The following ARHGAP28 variants were observed in gnomAD, a reference collection of about 807,000 sequenced individuals.
ARHGAP28 encodes the protein rho GTPase-activating protein 28.
In ARHGAP28, 56 loss-of-function variants were observed where a neutral mutation model predicts 90.7. The observed-to-expected ratio is 0.62, with a 90% CI of 0.50 to 0.77. The LOEUF is 0.77. Ranked by LOEUF, ARHGAP28 falls within the 30% of genes least tolerant of loss-of-function variation. The probability of loss-of-function intolerance (pLI) is 0.00; values close to 1 mark genes in which losing one functional copy is unlikely to be tolerated. For missense variants in ARHGAP28, 869 were observed against 900.9 expected (o/e 0.96, Z 0.45); for synonymous variants, 308 against 323.3 (o/e 0.95, Z 0.51).
intron 3 of ARHGAP28, among the ~76,000 whole-genome samples, chr18:6,841,320 A>G (rs989705027): frequency 6.7e-6 from 1 of 148,850 alleles, no homozygotes; most frequent in Non-Finnish European, 1.5e-5. Flanking sequence ...ATTTACCTAC[A>G]TTAATTGAAT....
At chr18:6,825,907 C>T (rs1207608840) in intron 2 of ARHGAP28, among the ~76,000 whole-genome samples, 1 of 152,108 alleles carries the variant, frequency 6.6e-6, no homozygotes, top group Non-Finnish European at 1.5e-5. Flanking sequence ...AATAGCTTGG[C>T]GATGAACATA....
intron 1 of ARHGAP28, among the ~76,000 whole-genome samples, chr18:6,807,543 C>G (rs1367244695): frequency 6.6e-5 from 10 of 152,090 alleles, no homozygotes; most frequent in Non-Finnish European, 1.5e-4. Flanking sequence ...AAGCTTTTCC[C>G]CACTCTAGAG....
chr18:6,802,157 C>T (rs2056486630), intron 1 of ARHGAP28, among the ~76,000 whole-genome samples: 1 of 151,854 alleles, frequency 6.6e-6, no homozygotes, highest in Non-Finnish European at 1.5e-5. Flanking sequence ...TCCATTTATC[C>T]ATCCATTGAT....
At chr18:6,859,531 C>A (rs1283158790) in intron 4 of ARHGAP28, among the ~76,000 whole-genome samples, 1 of 152,168 alleles carries the variant, frequency 6.6e-6, no homozygotes, top group African/African-American at 2.4e-5. Context: ...TTGATTTACC[C>A]CAATTCCCTG....
chr18:6,900,500 G>T (rs1249729489), intron 16 of ARHGAP28, among the ~76,000 whole-genome samples: 1 of 152,166 alleles, frequency 6.6e-6, no homozygotes, highest in Non-Finnish European at 1.5e-5. Flanking sequence ...TTACAGAACT[G>T]AAAAATGCAA....
chr18:6,830,367 G>A (rs187734067), intron 2 of ARHGAP28, among the ~76,000 whole-genome samples: 31 of 151,634 alleles, frequency 2.0e-4, no homozygotes, highest in East Asian at 1.2e-3. Flanking sequence ...TGGGGTACAC[G>A]TGCAGAACGT....
At chr18:6,863,655 G>A (rs550741314) in intron 5 of ARHGAP28, among the ~76,000 whole-genome samples, 95 of 151,414 alleles carry the variant, frequency 6.3e-4, no homozygotes, top group Non-Finnish European at 1.1e-3. Context: ...GCCATTTATC[G>A]AACTATGATA....
In ARHGAP28 at chr18:6,826,487, T is replaced by A. The variant is rs533026421; in HGVS notation, c.325+1523T>A. 2.1e-3 allele frequency among the ~76,000 whole-genome samples: 315 copies of A among 151,552 alleles called. 2 individuals carry two copies. The highest frequency in any genetic ancestry group is 2.7e-3 in the Admixed American group (41 of 15,242). On this transcript the variant is annotated intron_variant, in intron 2 of 17. Transcript: ENST00000383472. ...GTAGAAGCTCTTTAGTTTTTTTTTT[T>A]TAATTAAAATAGAGTTTATATCATT...
In ARHGAP28 at chr18:6,808,436, TC is replaced by T. The variant is rs567729641; in HGVS notation, c.123-16324del. On this transcript the variant is annotated intron_variant, in intron 1 of 17. Coordinates refer to ENST00000383472, the MANE Select transcript of ARHGAP28 (RefSeq NM_001366230.1). ...TGAGATTTTTCTTCTCATTATTTGT[TC>T]CTTTTTCTTTCTTTTTCATTTATTA... 2.0e-5 allele frequency among the ~76,000 whole-genome samples: 3 copies of T among 152,316 alleles called. No homozygotes were observed. In the South Asian group the frequency reaches 6.2e-4, roughly 32 times the overall value.
chr18:6,761,354 T>G (rs2056158650), intron 1 of ARHGAP28, among the ~76,000 whole-genome samples: 1 of 152,212 alleles, frequency 6.6e-6, no homozygotes, highest in African/African-American at 2.4e-5. Flanking sequence ...GGCATGTGCA[T>G]TAGTAAACAT....
At chr18:6,775,525 G>A (rs1358902728) in intron 1 of ARHGAP28, among the ~76,000 whole-genome samples, 2 of 150,664 alleles carry the variant, frequency 1.3e-5, no homozygotes, top group Admixed American at 6.6e-5. Context: ...TTGTTTGTTT[G>A]TTTTTAGTTT....
intron 1 of ARHGAP28, chr18:6,788,511 G>A (rs1418946956): frequency 1.3e-5 from 2 of 151,998 alleles, no homozygotes; most frequent in African/African-American, 4.8e-5. Context: ...GCCCAGGCTG[G>A]AGTGCAGTAG....
intron 2 of ARHGAP28, among the ~76,000 whole-genome samples, chr18:6,829,080 A>G (rs118041796): frequency 0.024 from 3,722 of 152,346 alleles, 66 homozygotes; most frequent in Middle Eastern, 0.048. Flanking sequence ...CCCACCACAC[A>G]TGTAACGAGA....
At chr18:6,896,972 G>A (rs532222286) in intron 16 of ARHGAP28, 70 of 177,720 alleles carry the variant, frequency 3.9e-4, no homozygotes, top group African/African-American at 1.2e-3. Flanking sequence ...GAGTGCAATC[G>A]CGCAATCTTG....
Position 6,887,247 on chromosome 18 carries a change from G to C in ARHGAP28, c.1536+8G>C. 1 of 1,613,234 alleles carries C rather than the reference G, an allele frequency of 6.2e-7. No individual in the cohort carries two copies. Among genetic ancestry groups the C allele is most frequent in the Non-Finnish European group, 8.5e-7 (1 of 1,179,434 alleles). ...AACAGAGATGCAGCTCAGGTACGTC[G>C]TGTCCACCTCACAGCTTGTCCTGGG... On this transcript the variant is annotated splice_region_variant and intron_variant, in intron 12 of 17. Coordinates refer to ENST00000383472, the MANE Select transcript of ARHGAP28 (RefSeq NM_001366230.1).
intron 14 of ARHGAP28, among the ~76,000 whole-genome samples, chr18:6,890,999 AAC>A (rs1334835158): frequency 1.3e-5 from 2 of 152,330 alleles, no homozygotes; most frequent in Non-Finnish European, 2.9e-5. Context: ...GTTTTGTTTT[AAC>A]ACAGTTATTT....
At chr18:6,898,182 G>A (rs183311590) in intron 16 of ARHGAP28, 3 of 288,468 alleles carry the variant, frequency 1.0e-5, no homozygotes, top group Admixed American at 1.0e-4. Flanking sequence ...AGAAAAACTT[G>A]AGAGATGGGT....
chr18:6,743,319 G>A (rs2055995557), intron 1 of ARHGAP28, among the ~76,000 whole-genome samples: 1 of 152,090 alleles, frequency 6.6e-6, no homozygotes. Flanking sequence ...TAATATGGAA[G>A]CATTTCTAGA....
chr18:6,908,646 C>T (rs2057377417), intron 16 of ARHGAP28, among the ~76,000 whole-genome samples: 1 of 152,196 alleles, frequency 6.6e-6, no homozygotes, highest in South Asian at 2.1e-4. Context: ...GCTCCGTGTC[C>T]AGCCTTGATG....
Sources: gnomAD v4.1 joint callset for allele counts (sites outside exome capture counted in the v4.1 genomes callset) on GRCh38, gnomAD v4.1.1 for gene constraint, MANE v1.5 for transcripts, NCBI Gene and HGNC (gene_info 2026-07-23, HGNC 2026-07-21) for gene names.